The following VWA7 variants were observed in gnomAD, a reference collection of about 807,000 sequenced individuals.
VWA7 encodes the protein von Willebrand factor A domain containing 7.
A neutral mutation model predicts 83.1 loss-of-function variants in VWA7; 66 were observed. The ratio of observed to expected loss-of-function variants is 0.79; its 90% CI spans 0.65 to 0.98. VWA7 has a LOEUF of 0.98. Among genes scored for constraint, VWA7 ranks in the 50% least tolerant of loss-of-function variants. The pLI, the probability that VWA7 is intolerant of heterozygous loss-of-function variation, is 0.00. For synonymous variants in VWA7, 424 were observed against 488.5 expected (o/e 0.87, Z 1.74); for missense variants, 1,080 against 1,160.2 (o/e 0.93, Z 1.00).
Position 31,766,912 on chromosome 6 carries a change from G to A in VWA7, c.1883-148C>T, listed in dbSNP as rs910183943. ...GAGGGGTATTGATGGGGAGCATCAGGAGGGAGTTCTGGGGTGCTGGAAATG... is the reference window on the plus strand; with the variant it reads ...GAGGGGTATTGATGGGGAGCATCAGAAGGGAGTTCTGGGGTGCTGGAAATG... On this transcript the variant is annotated intron_variant, in intron 13 of 16. Coordinates refer to ENST00000375688, the MANE Select transcript of VWA7 (RefSeq NM_025258.3). The surrounding 1 kb of genome is among the most constrained non-coding windows in gnomAD (Gnocchi z 4.9). 4.6e-5 allele frequency: 40 copies of A among 864,902 alleles called. No homozygotes were observed. The African/African-American group carries it at 5.3e-4, about 11-fold the overall frequency. 53.6% of individuals were successfully genotyped at this position (864,902 alleles called of 1,614,324 possible).
In VWA7 at chr6:31,767,483, A is replaced by AC. The variant is rs1279205913; in HGVS notation, c.1667dup (p.Pro557SerfsTer18). The AC allele has an allele frequency of 6.2e-7, 1 of 1,610,714 alleles. No homozygotes were observed. Among genetic ancestry groups the AC allele is most frequent in the Non-Finnish European group, 8.5e-7 (1 of 1,178,240 alleles). On this transcript the variant is annotated frameshift_variant, in exon 12 of 17. Transcript: ENST00000375688. LOFTEE classifies it high-confidence loss of function. ...CAAAGCGGCGAGTGTGACCTAGAGGACCCCCGCCTTCCTCCTGGCCCTGGG... is the reference window on the plus strand; with the variant it reads ...CAAAGCGGCGAGTGTGACCTAGAGGACCCCCCGCCTTCCTCCTGGCCCTGGG...
chr6:31,771,027 G>A (rs3101016), intron 7 of VWA7, among the ~76,000 whole-genome samples: 55,518 of 133,280 alleles, frequency 0.42, 11,716 homozygotes, highest in African/African-American at 0.52. Context: ...AAAAAAAAAA[G>A]AAAGAAAAGA....
In VWA7 at chr6:31,766,524, G is replaced by T; in HGVS notation, c.2123C>A (p.Ala708Glu). Reference protein sequence around the residue: ...FSLELIGQDAAGRRLHRAAPQ... With the variant: ...FSLELIGQDAEGRRLHRAAPQ... ...GGCAGCCCTGTGCAGGCGCCGCCCC[G>T]CTGCGTCCTGGCCAATCAGCTCCAG... Residue 708 changes from alanine to glutamate, a missense_variant, in exon 14 of 17, where the codon GCG becomes GAG. By Grantham distance (107) the Ala-to-Glu change is moderately radical. Coordinates refer to ENST00000375688, the MANE Select transcript of VWA7 (RefSeq NM_025258.3). This position sits in a 1 kb window ranked among gnomAD's most constrained non-coding sequence, Gnocchi z 4.9. The T allele has an allele frequency of 6.2e-7, 1 of 1,609,572 alleles. No individual in the cohort carries two copies. The highest frequency in any genetic ancestry group is 1.1e-5 in the South Asian group (1 of 90,894).
rs1812726665 is a variant in VWA7 at position 31,776,808 on chromosome 6, G to A, written c.-15-14C>T. 2 of 1,320,760 alleles carry A rather than the reference G, an allele frequency of 1.5e-6. No individual in the cohort carries two copies. 81.8% of individuals were successfully genotyped at this position (1,320,760 alleles called of 1,614,324 possible). On this transcript the variant is annotated splice_polypyrimidine_tract_variant and intron_variant, in intron 1 of 16. Coordinates refer to ENST00000375688, the MANE Select transcript of VWA7 (RefSeq NM_025258.3). This position sits in a 1 kb window ranked among gnomAD's most constrained non-coding sequence, Gnocchi z 6.2. The stretch of plus-strand genomic sequence containing the variant: ...TGAGACATGGACCTGGGAGACAGAA[G>A]GCTCTCAAGGGAGGAGGAAGCAGCC...
intron 7 of VWA7, among the ~76,000 whole-genome samples, chr6:31,771,011 C>CA (rs36055758): frequency 0.38 from 29,495 of 78,646 alleles, 4,829 homozygotes; most frequent in Middle Eastern, 0.53. Flanking sequence ...CTCTCTCTCT[C>CA]AAAAAAAAAA....
At chr6:31,774,370 G>A in intron 5 of VWA7, 146 bp downstream of exon 5, 1 of 706,776 alleles carries the variant, frequency 1.4e-6, no homozygotes, top group Non-Finnish European at 2.3e-6. Flanking sequence ...GCCTCCTCAG[G>A]GGACTTTCCT....
chr6:31,776,319 A>T lies in VWA7; in HGVS notation c.235-77T>A. ...GTTGCCCACCTTATCTCAGCAACTG[A>T]CACTCAAGGCTGGGTATGAGGGTCC... On this transcript the variant is annotated intron_variant, in intron 2 of 16. Transcript: ENST00000375688. The surrounding 1 kb of genome is among the most constrained non-coding windows in gnomAD (Gnocchi z 6.2). 1 of 1,547,824 alleles carries T rather than the reference A, an allele frequency of 6.5e-7. No individual in the cohort carries two copies. Among genetic ancestry groups the T allele is most frequent in the Non-Finnish European group, 8.7e-7 (1 of 1,145,830 alleles).
chr6:31,768,405 T>A (rs189802081), intron 10 of VWA7, among the ~76,000 whole-genome samples: 1 of 151,530 alleles, frequency 6.6e-6, no homozygotes, highest in Non-Finnish European at 1.5e-5. Flanking sequence ...GGCCAGGGGT[T>A]CAAGAACAGC....
chr6:31,773,872 T>G lies in VWA7; in HGVS notation c.722-435A>C, dbSNP rs1381923401. Among the ~76,000 whole-genome samples, 1 of 145,884 alleles carries G rather than the reference T, an allele frequency of 6.9e-6. No homozygotes were observed. The highest frequency in any genetic ancestry group is 1.5e-5 in the Non-Finnish European group (1 of 66,540). ...AAAAAATAAATAAATAAATAAATGA[T>G]GGCTGGGCACGGTGGCTCACACCAG... On this transcript the variant is annotated intron_variant, in intron 5 of 16. Coordinates refer to ENST00000375688, the MANE Select transcript of VWA7 (RefSeq NM_025258.3). The surrounding 1 kb of genome is among the most constrained non-coding windows in gnomAD (Gnocchi z 5.3).
chr6:31,776,693 G>A lies in VWA7; in HGVS notation c.87C>T (p.Phe29=). Residue 29 remains phenylalanine, a synonymous_variant, in exon 2 of 17, where the codon TTC becomes TTT. Transcript: ENST00000375688. This position sits in a 1 kb window ranked among gnomAD's most constrained non-coding sequence, Gnocchi z 6.2. ...LQLLLPPTSA[F]FPNIWSLLAA... is the part of the protein sequence containing the mutation. ...CCAGCAGGCTCCAGATGTTGGGGAA[G>A]AAGGCAGATGTGGGGGGCAGCAACA... The A allele has an allele frequency of 6.6e-7, 1 of 1,520,554 alleles. No homozygotes were observed. The highest frequency in any genetic ancestry group is 8.8e-7 in the Non-Finnish European group (1 of 1,131,250). 94.2% of individuals were successfully genotyped at this position (1,520,554 alleles called of 1,614,324 possible). A position where few individuals can be genotyped will look rare whatever the true frequency, so the allele number is the denominator to read the frequency against.
Position 31,765,961 on chromosome 6 carries a change from A to T in VWA7, c.2421T>A (p.Thr807=). 1 of 1,613,078 alleles carries T rather than the reference A, an allele frequency of 6.2e-7. No individual in the cohort carries two copies. The highest frequency in any genetic ancestry group is 8.5e-7 in the Non-Finnish European group (1 of 1,180,020). The change falls in exon 16 of 17, where the codon ACT becomes ACA. Residue 807 remains threonine (T), a synonymous_variant. Coordinates refer to ENST00000375688, the MANE Select transcript of VWA7 (RefSeq NM_025258.3). ...APDSVVMVTV[T]AGGREANPVP... The stretch of plus-strand genomic sequence containing the variant: ...CTGGGTTGGCTTCTCGTCCCCCTGC[A>T]GTCACAGTCACCATCACCACGGAAT...
chr6:31,776,756 T>G lies in VWA7; in HGVS notation c.24A>C (p.Gln8His). Residue 8 changes from glutamine (Q) to histidine (H), a missense_variant, in exon 2 of 17, where the codon CAA (glutamine) becomes CAC (histidine). Transcript: ENST00000375688. The surrounding 1 kb of genome is among the most constrained non-coding windows in gnomAD (Gnocchi z 6.2). MLPTEVP[Q>H]SHPGPSALLL... ...GCAACGCTGAGGGGCCCGGGTGGGA[T>G]TGGGGGACCTCCGTGGGGAGCATGG... 1 of 1,448,480 alleles carries G rather than the reference T, an allele frequency of 6.9e-7. No individual in the cohort carries two copies. The highest frequency in any genetic ancestry group is 9.1e-7 in the Non-Finnish European group (1 of 1,094,244). The allele number at this position is 1,448,480 out of a possible 1,614,324, so 89.7% of individuals were successfully genotyped here.
At chr6:31,771,006 T>G (rs1368582646) in intron 7 of VWA7, among the ~76,000 whole-genome samples, 2 of 113,798 alleles carry the variant, frequency 1.8e-5, no homozygotes, top group Non-Finnish European at 3.5e-5. Flanking sequence ...TCCCTCTCTC[T>G]CTCTCAAAAA....
chr6:31,773,849 A>T lies in VWA7; in HGVS notation c.722-412T>A, dbSNP rs867088554. On this transcript the variant is annotated intron_variant, in intron 5 of 16. Coordinates refer to ENST00000375688, the MANE Select transcript of VWA7 (RefSeq NM_025258.3). This position sits in a 1 kb window ranked among gnomAD's most constrained non-coding sequence, Gnocchi z 5.3. Reference sequence around the variant, plus strand: ...GTGGCAGAGCAAGACTCGGTCTCAAAAAATAAATAAATAAATAAATGATGG... The same window carrying T: ...GTGGCAGAGCAAGACTCGGTCTCAATAAATAAATAAATAAATAAATGATGG... 1.3e-5 allele frequency among the ~76,000 whole-genome samples: 2 copies of T among 151,362 alleles called. No individual in the cohort carries two copies. The highest frequency in any genetic ancestry group is 4.9e-5 in the African/African-American group (2 of 41,098).
Position 31,776,498 on chromosome 6 carries a change from G to T in VWA7, c.234+48C>A. Reference sequence around the variant, plus strand: ...AGCCCTCAAGGAGTAGAGGCCCCATGGAATTGGGGACTCTGGCAGGGGTGT... The same window carrying T: ...AGCCCTCAAGGAGTAGAGGCCCCATTGAATTGGGGACTCTGGCAGGGGTGT... On this transcript the variant is annotated intron_variant, in intron 2 of 16. Coordinates refer to ENST00000375688, the MANE Select transcript of VWA7 (RefSeq NM_025258.3). The surrounding 1 kb of genome is among the most constrained non-coding windows in gnomAD (Gnocchi z 6.2). The T allele has an allele frequency of 6.9e-7, 1 of 1,451,922 alleles. No individual in the cohort carries two copies. The highest frequency in any genetic ancestry group is 9.3e-7 in the Non-Finnish European group (1 of 1,075,898). The allele number at this position is 1,451,922 out of a possible 1,614,324, so 89.9% of individuals were successfully genotyped here.
At chr6:31,768,870 G>T in intron 10 of VWA7, 148 bp downstream of exon 10, 1 of 878,808 alleles carries the variant, frequency 1.1e-6, no homozygotes, top group Non-Finnish European at 1.6e-6. Flanking sequence ...GGCTAGTCAT[G>T]GATCTAAGAG....
In VWA7 at chr6:31,769,855, G is replaced by C. The variant is rs544516140; in HGVS notation, c.1201-64C>G. The C allele has an allele frequency of 7.2e-6, 11 of 1,535,982 alleles. No individual in the cohort carries two copies. In the African/African-American group the frequency reaches 1.1e-4, roughly 15 times the overall value. The stretch of plus-strand genomic sequence containing the variant: ...TAGGAGGGGAATGGGTAGAGCCACG[G>C]AGGATGAAGCAGAAGGGAATATGGC... On this transcript the variant is annotated intron_variant, in intron 8 of 16. Transcript: ENST00000375688. The surrounding 1 kb of genome is among the most constrained non-coding windows in gnomAD (Gnocchi z 4.5).
At position 31,773,227 on chromosome 6, in the gene VWA7, C is replaced by T. The variant is rs1812371697; in HGVS notation, c.917+15G>A. The T allele has an allele frequency of 6.3e-7, 1 of 1,597,192 alleles. No individual in the cohort carries two copies. ...GCCTCCCCATGAAGGGGTCCATCCC[C>T]AGGAGGCCACTCACCTGGAGAAATC... On this transcript the variant is annotated intron_variant, in intron 6 of 16. Coordinates refer to ENST00000375688, the MANE Select transcript of VWA7 (RefSeq NM_025258.3). This position sits in a 1 kb window ranked among gnomAD's most constrained non-coding sequence, Gnocchi z 5.3.
At position 31,773,358 on chromosome 6, in the gene VWA7, G is replaced by C. The variant is rs767381430; in HGVS notation, c.801C>G (p.Ser267=). The change falls in exon 6 of 17, where the codon TCC becomes TCG. Residue 267 remains serine (S), a synonymous_variant. Coordinates refer to ENST00000375688, the MANE Select transcript of VWA7 (RefSeq NM_025258.3). The surrounding 1 kb of genome is among the most constrained non-coding windows in gnomAD (Gnocchi z 5.3). ...PRGGINKDST[S]PGFSPHHMLH... is the part of the protein sequence containing the mutation. ...GCATGTGGTGAGGGGAGAAGCCTGGGGATGTGCTGTCCTTGTTGATGCCTC... is the reference window on the plus strand; with the variant it reads ...GCATGTGGTGAGGGGAGAAGCCTGGCGATGTGCTGTCCTTGTTGATGCCTC... The C allele has an allele frequency of 1.2e-6, 2 of 1,607,626 alleles. No homozygotes were observed. The highest frequency in any genetic ancestry group is 1.7e-6 in the Non-Finnish European group (2 of 1,177,294).
Sources: allele counts gnomAD v4.1 joint callset (sites outside exome capture counted in the v4.1 genomes callset), GRCh38; gene constraint gnomAD v4.1.1; non-coding constraint Gnocchi (gnomAD v3.1); transcripts MANE v1.5; gene names NCBI Gene and HGNC (gene_info 2026-07-23, HGNC 2026-07-21).